Variants in CDS2 observed in about 807,000 individuals in gnomAD.
The protein encoded by CDS2 is phosphatidate cytidylyltransferase 2.
In CDS2, 47 loss-of-function variants were observed where a neutral mutation model predicts 59.0. That is an observed-to-expected ratio of 0.80 (90% CI 0.63 to 1.02). CDS2 has a LOEUF of 1.02. CDS2 is among the 50% of genes least tolerant of loss of function. The pLI is 0.00. For synonymous variants in CDS2, 207 were observed against 206.4 expected (o/e 1.00, Z -0.02); for missense variants, 356 against 558.9 (o/e 0.64, Z 3.66).
intron 1 of CDS2, among the ~76,000 whole-genome samples, chr20:5,166,290 G>T (rs1481748390): frequency 6.6e-6 from 1 of 152,148 alleles, no homozygotes; most frequent in East Asian, 1.9e-4. Context: ...GAGCCACTAA[G>T]GGTGATGGCC....
intron 5 of CDS2, among the ~76,000 whole-genome samples, chr20:5,180,543 A>G (rs1230272138): frequency 6.6e-6 from 1 of 152,110 alleles, no homozygotes; most frequent in Admixed American, 6.5e-5. Context: ...AATTAGGACA[A>G]GCAGAGGTCA....
rs773605365 is a variant in CDS2, at chr20:5,189,205, G to A, written c.1101+19G>A. The A allele has an allele frequency of 3.2e-5, 52 of 1,613,746 alleles. No homozygotes were observed. The highest frequency in any genetic ancestry group is 2.4e-4 in the South Asian group (22 of 91,072). On this transcript the variant is annotated intron_variant, in intron 11 of 12. Coordinates refer to ENST00000460006, the MANE Select transcript of CDS2 (RefSeq NM_003818.4). ...AATCAAAGTAGGAAAACCGTCTTAC[G>A]TTCCTCTCATCTCACTCCCTCACCC... is the stretch of plus-strand genomic sequence containing the variant.
intron 1 of CDS2, among the ~76,000 whole-genome samples, chr20:5,163,248 T>C (rs2090888195): frequency 6.6e-6 from 1 of 152,208 alleles, no homozygotes; most frequent in Non-Finnish European, 1.5e-5. Context: ...GTAGTTTTTT[T>C]TGTTTCGTTT....
At chr20:5,152,539 C>T (rs1200066488) in intron 1 of CDS2, among the ~76,000 whole-genome samples, 8 of 152,202 alleles carry the variant, frequency 5.3e-5, no homozygotes, top group Admixed American at 1.3e-4. Flanking sequence ...ATCAGGAGTT[C>T]GAGACCAGCC....
chr20:5,138,318 T>C lies in CDS2; in HGVS notation c.57+11169T>C, dbSNP rs545531709. On this transcript the variant is annotated intron_variant, in intron 1 of 12. Coordinates refer to ENST00000460006, the MANE Select transcript of CDS2 (RefSeq NM_003818.4). ...AGTTTCACTCTTTGGCATATAGATA[T>C]CCAGTTTTCACAGCACCATTTATTG... is the stretch of plus-strand genomic sequence containing the variant. 9.9e-5 allele frequency among the ~76,000 whole-genome samples: 15 copies of C among 152,102 alleles called. No individual in the cohort carries two copies. The East Asian group carries it at 2.5e-3, about 26-fold the overall frequency.
intron 1 of CDS2, among the ~76,000 whole-genome samples, chr20:5,138,901 A>G (rs1440733804): frequency 6.6e-6 from 1 of 152,162 alleles, no homozygotes; most frequent in African/African-American, 2.4e-5. Context: ...TATTTTTTAA[A>G]TCCTGAAATC....
intron 1 of CDS2, among the ~76,000 whole-genome samples, chr20:5,137,781 C>T (rs554478236): frequency 6.6e-6 from 1 of 151,670 alleles, no homozygotes; most frequent in South Asian, 2.1e-4. Context: ...CTACCATAAC[C>T]TCAAACATTT....
chr20:5,173,773 T>A, intron 2 of CDS2, 114 bp downstream of exon 2: 2 of 1,228,168 alleles, frequency 1.6e-6, no homozygotes, highest in Non-Finnish European at 2.3e-6. Flanking sequence ...CTGTCTTGCC[T>A]CAGCCTCCCA....
intron 1 of CDS2, among the ~76,000 whole-genome samples, chr20:5,167,562 A>T (rs2090922176): frequency 6.6e-6 from 1 of 151,970 alleles, no homozygotes. Flanking sequence ...ATATATGTAT[A>T]TTTTTTTTCA....
rs115167594 is a variant in CDS2, at chr20:5,148,146, A to T, written c.57+20997A>T. Among the ~76,000 whole-genome samples the T allele has an allele frequency of 3.6e-3, 555 of 152,226 alleles. 5 individuals are homozygous for T. The highest frequency in any genetic ancestry group is 0.013 in the African/African-American group (533 of 41,536). On this transcript the variant is annotated intron_variant, in intron 1 of 12. Transcript: ENST00000460006. ...GTAATGGGGCTGCTTTAACAAGATG[A>T]CTTTGGATTCAAGTTATTGCAGCTG...
chr20:5,191,750 G>A lies in CDS2; in HGVS notation c.*1516G>A, dbSNP rs2091116553. The A allele has an allele frequency of 6.6e-6, 1 of 152,232 alleles. No homozygotes were observed. Among genetic ancestry groups the A allele is most frequent in the Non-Finnish European group, 1.5e-5 (1 of 68,052 alleles). The allele number at this position is 152,232 out of a possible 1,614,324, so 9.4% of individuals were successfully genotyped here. A position where few individuals can be genotyped will look rare whatever the true frequency, so the allele number is the denominator to read the frequency against. The stretch of plus-strand genomic sequence containing the variant: ...CATCCTTGAGTGACTTCCCATATGT[G>A]TGTGGGGCTGAAGCGGCTTCTTTCC... On this transcript the variant is annotated 3_prime_UTR_variant, in exon 13 of 13. Coordinates refer to ENST00000460006, the MANE Select transcript of CDS2 (RefSeq NM_003818.4).
At chr20:5,141,660 G>A (rs1393239615) in intron 1 of CDS2, among the ~76,000 whole-genome samples, 2 of 152,036 alleles carry the variant, frequency 1.3e-5, no homozygotes, top group African/African-American at 4.8e-5. Context: ...CTTGAAACTG[G>A]TAGATCAGAA....
chr20:5,135,456 G>GTCATGTTTGTGTGT (rs1555780016), intron 1 of CDS2, among the ~76,000 whole-genome samples: 8 of 139,400 alleles, frequency 5.7e-5, no homozygotes, highest in African/African-American at 2.0e-4. Context: ...CTGTTTGTGT[G>GTCATGTTTGTGTGT]TCATACTGCC....
At chr20:5,143,767 CT>C (rs373867800) in intron 1 of CDS2, among the ~76,000 whole-genome samples, 65 of 102,482 alleles carry the variant, frequency 6.3e-4, no homozygotes, top group South Asian at 2.0e-3. Flanking sequence ...TCTTCTTCTT[CT>C]TTTTTTTTTT....
At chr20:5,155,208 G>C (rs908080284) in intron 1 of CDS2, among the ~76,000 whole-genome samples, 5 of 152,226 alleles carry the variant, frequency 3.3e-5, no homozygotes, top group Non-Finnish European at 5.9e-5. Flanking sequence ...GGGAAGGGCT[G>C]AAATGCTGTG....
intron 3 of CDS2, 69 bp from the exon 4 acceptor site, chr20:5,176,579 T>G: frequency 8.3e-7 from 1 of 1,207,572 alleles, no homozygotes; most frequent in East Asian, 2.3e-5. Flanking sequence ...GGAAGGCTCA[T>G]GACCTGTTGG....
At chr20:5,160,683 G>T (rs2090870072) in intron 1 of CDS2, among the ~76,000 whole-genome samples, 1 of 152,080 alleles carries the variant, frequency 6.6e-6, no homozygotes, top group Non-Finnish European at 1.5e-5. Flanking sequence ...TTCCCCAAAT[G>T]AAACTCTGTA....
At chr20:5,133,174 CA>C (rs900953617) in intron 1 of CDS2, among the ~76,000 whole-genome samples, 1 of 150,828 alleles carries the variant, frequency 6.6e-6, no homozygotes. Context: ...GACTTCATCT[CA>C]AAAAAAAAGA....
Position 5,190,107 on chromosome 20 carries a change from C to T in CDS2, c.1211C>T (p.Pro404Leu). The T allele has an allele frequency of 6.2e-7, 1 of 1,613,956 alleles. No homozygotes were observed. Among genetic ancestry groups the T allele is most frequent in the Non-Finnish European group, 8.5e-7 (1 of 1,179,854 alleles). Residue 404 changes from proline (P) to leucine (L), a missense_variant, in exon 13 of 13, where the codon CCT (proline) becomes CTT (leucine). Around this residue, in one of 5 missense-constraint regions of CDS2, gnomAD observed 41 missense variants for 104.4 expected, o/e 0.39. Coordinates refer to ENST00000460006, the MANE Select transcript of CDS2 (RefSeq NM_003818.4). ...NVYIASFIRG[P>L]NPSKLIQQFL... ...TTCTTCACATTCTGTTCCAGAGGCC[C>T]TAACCCAAGCAAACTGATTCAGCAG...
Sources: allele counts gnomAD v4.1 joint callset (sites outside exome capture counted in the v4.1 genomes callset), GRCh38; gene constraint gnomAD v4.1.1; regional missense constraint gnomAD v4.1.1; transcripts MANE v1.5; gene names NCBI Gene and HGNC (gene_info 2026-07-23, HGNC 2026-07-21).